AKAP13: variants seen among roughly 807,000 people sequenced by gnomAD.
The protein encoded by AKAP13 is A-kinase anchoring protein 13.
A neutral mutation model predicts 264.5 loss-of-function variants in AKAP13; 80 were observed. That is an observed-to-expected ratio of 0.30 (90% CI 0.25 to 0.36). The LOEUF is 0.36. Among genes scored for constraint, AKAP13 ranks in the 10% least tolerant of loss-of-function variants. The probability of loss-of-function intolerance (pLI) is 1.00; values close to 1 mark genes in which losing one functional copy is unlikely to be tolerated. For missense variants in AKAP13, 3,712 were observed against 3,435.2 expected (o/e 1.08, Z -2.01); for synonymous variants, 1,380 against 1,250.2 (o/e 1.10, Z -2.19).
At chr15:85,550,060 G>T (rs1298461080) in intron 5 of AKAP13, among the ~76,000 whole-genome samples, 2 of 152,098 alleles carry the variant, frequency 1.3e-5, no homozygotes, top group Non-Finnish European at 2.9e-5. Context: ...GGGATTACAG[G>T]TGCACGCCAC....
At chr15:85,662,703 A>G (rs750707828) in intron 12 of AKAP13, among the ~76,000 whole-genome samples, 12 of 152,188 alleles carry the variant, frequency 7.9e-5, no homozygotes, top group South Asian at 2.1e-4. Context: ...GCACAGATTT[A>G]TCTCTCTCTG....
chr15:85,607,940 TC>T (rs959164905), intron 8 of AKAP13, among the ~76,000 whole-genome samples: 3 of 152,240 alleles, frequency 2.0e-5, no homozygotes, highest in African/African-American at 7.2e-5. Context: ...ATAGGCTTTT[TC>T]ATGAAGAACT....
intron 1 of AKAP13, among the ~76,000 whole-genome samples, chr15:85,462,663 A>C (rs2074561236): frequency 1.3e-5 from 2 of 152,216 alleles, no homozygotes; most frequent in Non-Finnish European, 2.9e-5. Context: ...TACACACAGG[A>C]AAATCTACTT....
chr15:85,508,697 A>AAAAAAG (rs533922453), intron 2 of AKAP13, among the ~76,000 whole-genome samples: 8 of 151,992 alleles, frequency 5.3e-5, no homozygotes, highest in South Asian at 2.1e-4. Context: ...GCATCACACT[A>AAAAAAG]AAAAAGAAAA....
At chr15:85,463,246 G>A (rs546376699) in intron 1 of AKAP13, among the ~76,000 whole-genome samples, 1 of 152,202 alleles carries the variant, frequency 6.6e-6, no homozygotes, top group South Asian at 2.1e-4. Flanking sequence ...AAAAAGAAGG[G>A]AGCATGGGAA....
At chr15:85,659,589 GT>G (rs2083246857) in intron 12 of AKAP13, among the ~76,000 whole-genome samples, 1 of 150,314 alleles carries the variant, frequency 6.7e-6, no homozygotes, top group Non-Finnish European at 1.5e-5. Flanking sequence ...TACTAAATAA[GT>G]TTTTCAGTAG....
intron 23 of AKAP13, 82 bp from the exon 24 acceptor site, chr15:85,721,909 C>G: frequency 6.3e-7 from 1 of 1,576,476 alleles, no homozygotes; most frequent in African/African-American, 1.4e-5. Flanking sequence ...TTGACTTTTA[C>G]AACTAGACTG....
At chr15:85,593,078 G>A (rs112331249) in intron 8 of AKAP13, among the ~76,000 whole-genome samples, 9,387 of 152,228 alleles carry the variant, frequency 0.062, 949 homozygotes, top group African/African-American at 0.21. Flanking sequence ...GGGAGGCTGA[G>A]GCAGGTGGAT....
chr15:85,442,452 A>ATATATAATATACATAATATATAT (rs1567059413), intron 1 of AKAP13, among the ~76,000 whole-genome samples: 16 of 123,214 alleles, frequency 1.3e-4, no homozygotes, highest in Non-Finnish European at 2.1e-4. Flanking sequence ...TAAAATATAC[A>ATATATAATATACATAATATATAT]TATATAATAT....
chr15:85,507,395 A>AAAC (rs2076265397), intron 2 of AKAP13, among the ~76,000 whole-genome samples: 2 of 152,034 alleles, frequency 1.3e-5, no homozygotes, highest in South Asian at 2.1e-4. Context: ...AAAAAAAAAA[A>AAAC]AACATAAGAA....
chr15:85,688,599 A>G (rs2085080410), intron 16 of AKAP13, among the ~76,000 whole-genome samples: 1 of 152,240 alleles, frequency 6.6e-6, no homozygotes, highest in African/African-American at 2.4e-5. Flanking sequence ...ATTCAGTTGT[A>G]TAATTGTGAT....
intron 8 of AKAP13, among the ~76,000 whole-genome samples, chr15:85,630,204 CACACATCATGAACTAAGATGGA>C (rs2081660618): frequency 1.5e-5 from 1 of 66,816 alleles, no homozygotes; most frequent in Non-Finnish European, 2.5e-5. Context: ...CACACACACA[CACACATCATGAACTAAGATGGA>C]AAATTGTAAC....
At chr15:85,540,833 A>G (rs548749526) in intron 4 of AKAP13, among the ~76,000 whole-genome samples, 1 of 152,374 alleles carries the variant, frequency 6.6e-6, no homozygotes, top group South Asian at 2.1e-4. Context: ...AACTGGGGGT[A>G]TATGCATGCG....
intron 1 of AKAP13, among the ~76,000 whole-genome samples, chr15:85,399,222 C>T (rs571527141): frequency 5.3e-4 from 81 of 152,178 alleles, no homozygotes; most frequent in African/African-American, 1.8e-3. Flanking sequence ...GCAGGCCGGG[C>T]GCGGTGGCTC....
rs79828763 is a variant in AKAP13, at chr15:85,580,830, C to G, written c.2762C>G (p.Ser921Cys). The G allele has an allele frequency of 9.8e-4, 1,587 of 1,614,106 alleles. 20 individuals are homozygous for G. In the African/African-American group the frequency reaches 0.018, roughly 19 times the overall value. Residue 921 changes from serine to cysteine, a missense_variant, in exon 7 of 37, where the codon TCT becomes TGT. Around this residue, in one of 3 missense-constraint regions of AKAP13, gnomAD observed 2,759 missense variants for 2,411.7 expected, o/e 1.14. Coordinates refer to ENST00000394518, the MANE Select transcript of AKAP13 (RefSeq NM_007200.5). Reference sequence around the variant, plus strand: ...AAACTTCTGGTGGTTTCAGAAAGCTCTGCAGCTCAGGAACAAGATAAGGAT... The same window carrying G: ...AAACTTCTGGTGGTTTCAGAAAGCTGTGCAGCTCAGGAACAAGATAAGGAT... The part of the protein sequence containing the change: ...EGKLLVVSES[S>C]AAQEQDKDKA...
intron 10 of AKAP13, among the ~76,000 whole-genome samples, chr15:85,651,300 C>G (rs910812922): frequency 6.6e-6 from 1 of 152,154 alleles, no homozygotes; most frequent in Non-Finnish European, 1.5e-5. Context: ...CTACAATTAA[C>G]TTTTAATTGT....
Position 85,645,916 on chromosome 15 carries a change from T to C in AKAP13, c.4336T>C (p.Ser1446Pro), listed in dbSNP as rs769139131. 1 of 1,613,990 alleles carries C rather than the reference T, an allele frequency of 6.2e-7. No homozygotes were observed. Among genetic ancestry groups the C allele is most frequent in the Non-Finnish European group, 8.5e-7 (1 of 1,180,000 alleles). Residue 1446 changes from serine to proline, a missense_variant, in exon 10 of 37, where the codon TCA (serine) becomes CCA (proline). Ser to Pro is a moderately conservative substitution (Grantham distance 74). Coordinates refer to ENST00000394518, the MANE Select transcript of AKAP13 (RefSeq NM_007200.5). Reference protein sequence around the residue: ...ESGSDSDLFHSPSDDMDSIIF... With the variant: ...ESGSDSDLFHPPSDDMDSIIF... ...TGGGAGTGATTCTGACCTCTTTCAC[T>C]CACCCAGTGATGACATGGACAGCAT...
intron 17 of AKAP13, among the ~76,000 whole-genome samples, chr15:85,700,014 C>G (rs1486897640): frequency 2.0e-5 from 3 of 152,154 alleles, no homozygotes; most frequent in Non-Finnish European, 4.4e-5. Flanking sequence ...ATGACTAGCT[C>G]CAGATAATTT....
chr15:85,639,185 A>G lies in AKAP13; in HGVS notation c.4162-189A>G, dbSNP rs373742372. ...TGCCTAATTTTTATTGACAACCTCT[A>G]AAGATCCTTGAGTATAGATTGCTGT... On this transcript the variant is annotated intron_variant, in intron 8 of 36. Transcript: ENST00000394518. Among the ~76,000 whole-genome samples the G allele has an allele frequency of 1.9e-4, 29 of 152,228 alleles. No homozygotes were observed. In the East Asian group the frequency reaches 5.0e-3, roughly 26 times the overall value.
Sources: gnomAD v4.1 joint callset for allele counts (sites outside exome capture counted in the v4.1 genomes callset) on GRCh38, gnomAD v4.1.1 for gene constraint, gnomAD v4.1.1 regional missense constraint, MANE v1.5 for transcripts, NCBI Gene and HGNC (gene_info 2026-07-23, HGNC 2026-07-21) for gene names.